GDPD4: variants seen among roughly 807,000 people sequenced by gnomAD.
GDPD4 encodes glycerophosphodiester phosphodiesterase domain containing 4.
Under a neutral mutation model 67.8 loss-of-function variants are expected in GDPD4, and 60 were observed. That is an observed-to-expected ratio of 0.88 (90% CI 0.72 to 1.10). The LOEUF is 1.10. Ranked by LOEUF, GDPD4 falls within the 50% of genes least tolerant of loss-of-function variation. The pLI, the probability that GDPD4 is intolerant of heterozygous loss-of-function variation, is 0.00. For synonymous variants in GDPD4, 212 were observed against 210.9 expected (o/e 1.00, Z -0.04); for missense variants, 623 against 613.9 (o/e 1.01, Z -0.16).
At chr11:77,237,223 C>T (rs1417789979) in intron 13 of GDPD4, among the ~76,000 whole-genome samples, 1 of 152,100 alleles carries the variant, frequency 6.6e-6, no homozygotes, top group African/African-American at 2.4e-5. Context: ...AGTACATGTC[C>T]AATAAATAAA....
chr11:77,237,692 C>G (rs1958592528), intron 13 of GDPD4, among the ~76,000 whole-genome samples: 3 of 152,204 alleles, frequency 2.0e-5, no homozygotes, highest in Admixed American at 1.3e-4. Context: ...GTTAGCAATA[C>G]ACTTCCAAAT....
intron 11 of GDPD4, among the ~76,000 whole-genome samples, chr11:77,255,229 C>T (rs1009167629): frequency 6.6e-6 from 1 of 152,130 alleles, no homozygotes; most frequent in African/African-American, 2.4e-5. Context: ...TTACAACTAA[C>T]CCAAACATTC....
At chr11:77,283,177 T>G (rs912028011) in intron 3 of GDPD4, among the ~76,000 whole-genome samples, 1 of 152,106 alleles carries the variant, frequency 6.6e-6, no homozygotes, top group Non-Finnish European at 1.5e-5. Flanking sequence ...TTGGGAACAA[T>G]GGTTAGGGTT....
At chr11:77,227,001 A>G (rs1401229612) in intron 16 of GDPD4, among the ~76,000 whole-genome samples, 1 of 152,208 alleles carries the variant, frequency 6.6e-6, no homozygotes, top group Non-Finnish European at 1.5e-5. Context: ...ATTAAATTAA[A>G]TTCATGATTT....
chr11:77,247,009 A>G (rs1170919655), intron 11 of GDPD4, among the ~76,000 whole-genome samples: 3 of 152,180 alleles, frequency 2.0e-5, no homozygotes, highest in African/African-American at 4.8e-5. Flanking sequence ...CTTTTTCTCT[A>G]CACAACTTTA....
intron 10 of GDPD4, among the ~76,000 whole-genome samples, chr11:77,265,668 A>C (rs1959174795): frequency 6.6e-6 from 1 of 152,104 alleles, no homozygotes. Flanking sequence ...TTATTTGTAT[A>C]TTTAGTTCTA....
At chr11:77,286,452 G>A (rs1959998374) in intron 2 of GDPD4, among the ~76,000 whole-genome samples, 1 of 152,188 alleles carries the variant, frequency 6.6e-6, no homozygotes, top group African/African-American at 2.4e-5. Flanking sequence ...GAAAGATACA[G>A]TGGGGACAGA....
intron 5 of GDPD4, among the ~76,000 whole-genome samples, 188 bp from the exon 6 acceptor site, chr11:77,271,581 T>C (rs1349371911): frequency 6.6e-6 from 1 of 152,216 alleles, no homozygotes; most frequent in Non-Finnish European, 1.5e-5. Flanking sequence ...AACTAATCAT[T>C]CACCTTCTTT....
intron 10 of GDPD4, among the ~76,000 whole-genome samples, chr11:77,258,892 C>T (rs967459735): frequency 5.9e-5 from 9 of 152,334 alleles, no homozygotes; most frequent in African/African-American, 2.2e-4. Context: ...CAGGACCATA[C>T]TAAGCAGGTG....
intron 4 of GDPD4, among the ~76,000 whole-genome samples, chr11:77,276,915 T>TG (rs1959495057): frequency 1.3e-5 from 2 of 151,676 alleles, no homozygotes; most frequent in Admixed American, 6.6e-5. Context: ...CATTCTTATT[T>TG]GAAAAAAAAA....
At chr11:77,292,393 C>T (rs921762648) in intron 1 of GDPD4, among the ~76,000 whole-genome samples, 5 of 151,846 alleles carry the variant, frequency 3.3e-5, no homozygotes, top group African/African-American at 1.2e-4. Context: ...GAAATTAAAA[C>T]CTTTTGAACT....
chr11:77,279,245 G>A (rs1959640070), intron 4 of GDPD4, 61 bp downstream of exon 4: 1 of 1,040,136 alleles, frequency 9.6e-7, no homozygotes, highest in Non-Finnish European at 1.5e-6. Context: ...TATACCACAG[G>A]CAGGAACACC....
At chr11:77,276,823 T>C (rs1423504329) in intron 4 of GDPD4, among the ~76,000 whole-genome samples, 2 of 152,218 alleles carry the variant, frequency 1.3e-5, no homozygotes, top group African/African-American at 2.4e-5. Flanking sequence ...GTAAGGCACT[T>C]ACCTCTTTAT....
intron 2 of GDPD4, among the ~76,000 whole-genome samples, chr11:77,286,096 C>G (rs1208549906): frequency 6.6e-6 from 1 of 152,032 alleles, no homozygotes; most frequent in Non-Finnish European, 1.5e-5. Flanking sequence ...CTTCTTTTCC[C>G]CTCACTTCTT....
In GDPD4 at chr11:77,248,772, A is replaced by ACAAT. The variant is rs1291225999; in HGVS notation, c.865-3271_865-3270insATTG. On this transcript the variant is annotated intron_variant, in intron 11 of 16. Coordinates refer to ENST00000315938, the MANE Select transcript of GDPD4 (RefSeq NM_182833.3). ...GTTTTGTTCTTGTTGCCCAGGCTGGAGTACAATGGCACAGTCTCAGCTCAC... is the reference window on the plus strand; with the variant it reads ...GTTTTGTTCTTGTTGCCCAGGCTGGACAATGTACAATGGCACAGTCTCAGCTCAC... Among the ~76,000 whole-genome samples the ACAAT allele has an allele frequency of 1.8e-3, 266 of 151,432 alleles. 2 individuals are homozygous for ACAAT. Among genetic ancestry groups the ACAAT allele is most frequent in the Non-Finnish European group, 3.4e-3 (233 of 67,894 alleles).
At chr11:77,271,039 C>T (rs188668014) in intron 7 of GDPD4, 91 bp downstream of exon 7, 1 of 851,262 alleles carries the variant, frequency 1.2e-6, no homozygotes, top group East Asian at 2.5e-5. Context: ...ATAGGGGTGG[C>T]TAGTTCCCAA....
chr11:77,247,142 T>C (rs1007968483), intron 11 of GDPD4, among the ~76,000 whole-genome samples: 10 of 152,128 alleles, frequency 6.6e-5, no homozygotes, highest in Non-Finnish European at 1.5e-4. Context: ...TCCGGAAAAT[T>C]GCTAGGCCAG....
Position 77,229,147 on chromosome 11 carries a change from TACCAG to T in GDPD4, c.1470_1472+2del. 5 of 1,461,852 alleles carry T rather than the reference TACCAG, an allele frequency of 3.4e-6. No homozygotes were observed. Among genetic ancestry groups the T allele is most frequent in the Non-Finnish European group, 4.8e-6 (5 of 1,051,608 alleles). The allele number at this position is 1,461,852 out of a possible 1,614,324, so 90.6% of individuals were successfully genotyped here. On this transcript the variant is annotated splice_donor_variant and coding_sequence_variant, in exon 15 of 17. Coordinates refer to ENST00000315938, the MANE Select transcript of GDPD4 (RefSeq NM_182833.3). LOFTEE classifies it high-confidence loss of function. Reference sequence around the variant, plus strand: ...ATTCATTTAAAATTATATATATACTTACCAGTGAAAACAAAATATGGCAACAATAA... The same window carrying T: ...ATTCATTTAAAATTATATATATACTTTGAAAACAAAATATGGCAACAATAA...
intron 16 of GDPD4, among the ~76,000 whole-genome samples, chr11:77,221,680 A>T (rs9704696): frequency 6.6e-6 from 1 of 152,052 alleles, no homozygotes; most frequent in South Asian, 2.1e-4. Context: ...AATGAGTGCA[A>T]TGTGGTGCTG....
Sources: gnomAD v4.1 joint callset for allele counts (sites outside exome capture counted in the v4.1 genomes callset) on GRCh38, gnomAD v4.1.1 for gene constraint, MANE v1.5 for transcripts, NCBI Gene and HGNC (gene_info 2026-07-23, HGNC 2026-07-21) for gene names.